Variants in ERGIC1 observed in about 807,000 individuals in gnomAD.
The protein encoded by ERGIC1 is endoplasmic reticulum-Golgi intermediate compartment protein 1.
In ERGIC1, 19 loss-of-function variants were observed where a neutral mutation model predicts 38.3. That is an observed-to-expected ratio of 0.50 (90% CI 0.35 to 0.73). The LOEUF (loss-of-function observed/expected upper bound fraction) is 0.73, where lower values mean the gene tolerates loss of function less well. Among genes scored for constraint, ERGIC1 ranks in the 30% least tolerant of loss-of-function variants. The pLI is 0.01. For missense variants in ERGIC1, 294 were observed against 389.2 expected, an observed-to-expected ratio of 0.76 and a Z score of 2.06; for synonymous variants, 124 against 157.6, an observed-to-expected ratio of 0.79 and a Z score of 1.60.
chr5:172,943,580 G>C (rs1340124940), intron 9 of ERGIC1, among the ~76,000 whole-genome samples: 1 of 152,178 alleles, frequency 6.6e-6, no homozygotes, highest in Admixed American at 6.5e-5. Context: ...TGGGCACTTA[G>C]GGTACAGCAG....
chr5:172,903,894 C>T (rs577785881), intron 3 of ERGIC1, among the ~76,000 whole-genome samples: 2 of 152,088 alleles, frequency 1.3e-5, no homozygotes, highest in East Asian at 3.9e-4. Context: ...GCCTAGGCTT[C>T]CCCTGCACTG....
At chr5:172,884,142 ATGTTTTATCCTTTC>A (rs1391011794) in intron 1 of ERGIC1, among the ~76,000 whole-genome samples, 1 of 147,712 alleles carries the variant, frequency 6.8e-6, no homozygotes, top group Non-Finnish European at 1.5e-5. Context: ...ATTTCTATGT[ATGTTTTATCCTTTC>A]TGTTTTATCC....
At chr5:172,835,376 G>C (rs924116927) in intron 1 of ERGIC1, among the ~76,000 whole-genome samples, 1 of 152,180 alleles carries the variant, frequency 6.6e-6, no homozygotes, top group Non-Finnish European at 1.5e-5. Context: ...CCGCTCGGCT[G>C]GCTGACCTCA....
rs572678607 is a variant in ERGIC1, at chr5:172,938,409, G to A, written c.765+3099G>A. 4.6e-5 allele frequency among the ~76,000 whole-genome samples: 7 copies of A among 152,282 alleles called. No individual in the cohort carries two copies. The East Asian group carries it at 7.7e-4, about 17-fold the overall frequency. The stretch of plus-strand genomic sequence containing the variant: ...GTTCAGAAGGCTCTTTTCTGTCCCC[G>A]TTTCTGTTTGCTCCTGTATGGAAAG... On this transcript the variant is annotated intron_variant, in intron 9 of 9. Transcript: ENST00000393784.
At chr5:172,933,623 C>G (rs1332341052) in intron 8 of ERGIC1, 1 of 135,452 alleles carries the variant, frequency 7.4e-6, no homozygotes, top group Non-Finnish European at 1.6e-5. Flanking sequence ...TGTTCTGACT[C>G]ACCCTAAATT....
intron 3 of ERGIC1, among the ~76,000 whole-genome samples, chr5:172,900,476 G>C (rs1436141648): frequency 6.6e-6 from 1 of 152,086 alleles, no homozygotes; most frequent in Non-Finnish European, 1.5e-5. Flanking sequence ...AAAAGCCAAG[G>C]CCAGAGGATC....
At chr5:172,861,659 T>C (rs1031577172) in intron 1 of ERGIC1, among the ~76,000 whole-genome samples, 3 of 152,242 alleles carry the variant, frequency 2.0e-5, no homozygotes, top group Non-Finnish European at 2.9e-5. Context: ...ACATAGTAGG[T>C]ACTTAGGAAG....
intron 1 of ERGIC1, among the ~76,000 whole-genome samples, chr5:172,855,414 G>A (rs1761521746): frequency 6.6e-6 from 1 of 152,204 alleles, no homozygotes; most frequent in Admixed American, 6.5e-5. Flanking sequence ...ACTCAGTCAT[G>A]TAAGAGATGT....
intron 5 of ERGIC1, among the ~76,000 whole-genome samples, chr5:172,920,965 T>C (rs1356575739): frequency 1.3e-5 from 2 of 152,208 alleles, no homozygotes; most frequent in African/African-American, 4.8e-5. Context: ...AAATGAGGCA[T>C]AAATGTTAAA....
intron 5 of ERGIC1, chr5:172,920,362 A>G (rs767692650): frequency 8.4e-6 from 6 of 717,896 alleles, no homozygotes; most frequent in Non-Finnish European, 1.6e-5. Context: ...TCCGACCCCC[A>G]GGAAGTTGAC....
chr5:172,917,679 A>C (rs915571616), intron 5 of ERGIC1: 1 of 152,162 alleles, frequency 6.6e-6, no homozygotes, highest in African/African-American at 2.4e-5. Context: ...GGATGGGGGA[A>C]AAATTGACAT....
At chr5:172,843,660 A>T (rs2113519520) in intron 1 of ERGIC1, among the ~76,000 whole-genome samples, 1 of 152,284 alleles carries the variant, frequency 6.6e-6, no homozygotes, top group Middle Eastern at 3.4e-3. Flanking sequence ...ACCCTTTCTG[A>T]ATGGTCTTCG....
chr5:172,924,951 G>C (rs1348724945), intron 6 of ERGIC1, among the ~76,000 whole-genome samples: 1 of 152,118 alleles, frequency 6.6e-6, no homozygotes, highest in African/African-American at 2.4e-5. Flanking sequence ...TCAAATAATG[G>C]TACAGGCCAG....
chr5:172,856,303 G>A (rs931963298), intron 1 of ERGIC1, among the ~76,000 whole-genome samples: 1 of 152,244 alleles, frequency 6.6e-6, no homozygotes, highest in African/African-American at 2.4e-5. Context: ...AAAGAGCCCT[G>A]TTGGAAAGGT....
chr5:172,863,852 C>G (rs185138256), intron 1 of ERGIC1, among the ~76,000 whole-genome samples: 1 of 152,304 alleles, frequency 6.6e-6, no homozygotes, highest in East Asian at 1.9e-4. Flanking sequence ...CTTTTGACAT[C>G]TACTCTCTGA....
chr5:172,885,631 G>A (rs1762398371), intron 1 of ERGIC1, among the ~76,000 whole-genome samples: 2 of 152,128 alleles, frequency 1.3e-5, no homozygotes, highest in South Asian at 2.1e-4. Flanking sequence ...GGCCCAGCAA[G>A]GGCCAGGGAT....
At chr5:172,928,702 C>G (rs1216248259) in intron 7 of ERGIC1, among the ~76,000 whole-genome samples, 1 of 152,070 alleles carries the variant, frequency 6.6e-6, no homozygotes, top group Non-Finnish European at 1.5e-5. Flanking sequence ...GGCCTGGAGG[C>G]CACTATGGAA....
chr5:172,916,616 TAGAC>T (rs768435383), intron 5 of ERGIC1: 5 of 152,270 alleles, frequency 3.3e-5, no homozygotes, highest in African/African-American at 7.2e-5. Context: ...GCCACAGCGT[TAGAC>T]AGTGCAGAGA....
intron 7 of ERGIC1, among the ~76,000 whole-genome samples, chr5:172,928,119 G>A (rs1032302086): frequency 6.6e-6 from 1 of 152,236 alleles, no homozygotes; most frequent in East Asian, 1.9e-4. Flanking sequence ...ATCCGACGTC[G>A]GCCGTCCACA....
Sources: allele counts gnomAD v4.1 joint callset (sites outside exome capture counted in the v4.1 genomes callset), GRCh38; gene constraint gnomAD v4.1.1; transcripts MANE v1.5; gene names NCBI Gene and HGNC (gene_info 2026-07-23, HGNC 2026-07-21).